Variants in PSEN1 observed in about 807,000 individuals in gnomAD.
PSEN1 encodes the protein presenilin 1.
In PSEN1, 15 loss-of-function variants were observed where a neutral mutation model predicts 53.5. The observed-to-expected ratio is 0.28, with a 90% CI of 0.19 to 0.43. The LOEUF (loss-of-function observed/expected upper bound fraction) is 0.43, where lower values mean the gene tolerates loss of function less well. PSEN1 is among the 20% of genes least tolerant of loss of function. The pLI is 1.00. For missense variants in PSEN1, 387 were observed against 571.2 expected (o/e 0.68, Z 3.29); for synonymous variants, 208 against 209.8 (o/e 0.99, Z 0.08).
chr14:73,186,271 TG>T (rs558906462), intron 5 of PSEN1, among the ~76,000 whole-genome samples: 1 of 151,730 alleles, frequency 6.6e-6, no homozygotes, highest in Admixed American at 6.6e-5. Context: ...CCCAGCTACT[TG>T]GGGGGCTGAG....
intron 6 of PSEN1, among the ~76,000 whole-genome samples, chr14:73,189,327 C>G (rs887517269): frequency 2.0e-5 from 3 of 152,084 alleles, no homozygotes; most frequent in Non-Finnish European, 4.4e-5. Flanking sequence ...CAAAAGTCCC[C>G]TGTCTGGGTG....
intron 5 of PSEN1, among the ~76,000 whole-genome samples, chr14:73,175,934 C>A (rs1049239046): frequency 2.6e-5 from 4 of 152,202 alleles, no homozygotes; most frequent in African/African-American, 9.6e-5. Context: ...ATCTGTCGTA[C>A]CCCACCAGTG....
Position 73,217,201 on chromosome 14 carries a change from G to A in PSEN1, c.1205G>A (p.Gly402Glu), listed in dbSNP as rs1899953027. ...GGTAAAGCCTCAGCAACAGCCAGTGGAGACTGGAACACAACCATAGCCTGT... is the reference window on the plus strand; with the variant it reads ...GGTAAAGCCTCAGCAACAGCCAGTGAAGACTGGAACACAACCATAGCCTGT... Reference protein sequence around the residue: ...LVGKASATASGDWNTTIACFV... With the variant: ...LVGKASATASEDWNTTIACFV... The change falls in exon 11 of 12, where the codon GGA becomes GAA. Residue 402 changes from glycine to glutamate, a missense_variant. Physicochemically the swap from Gly to Glu is moderately conservative, Grantham distance 98 (BLOSUM62 -2). Transcript: ENST00000324501. The A allele has an allele frequency of 6.2e-7, 1 of 1,613,640 alleles. No individual in the cohort carries two copies. Among genetic ancestry groups the A allele is most frequent in the African/African-American group, 1.3e-5 (1 of 74,932 alleles).
intron 1 of PSEN1, among the ~76,000 whole-genome samples, chr14:73,145,847 C>T (rs1897054944): frequency 1.3e-5 from 2 of 152,086 alleles, no homozygotes; most frequent in Non-Finnish European, 2.9e-5. Flanking sequence ...TGGCTCACAC[C>T]TGTAATCCTA....
chr14:73,206,000 TG>T (rs1469584981), intron 8 of PSEN1, among the ~76,000 whole-genome samples: 1 of 152,244 alleles, frequency 6.6e-6, no homozygotes, highest in Non-Finnish European at 1.5e-5. Context: ...GTGCATCTTT[TG>T]AATTATAATC....
rs200521615 is a variant in PSEN1, at chr14:73,219,480, G to A, written c.*191G>A. The A allele has an allele frequency of 6.2e-6, 4 of 644,080 alleles. No homozygotes were observed. Among genetic ancestry groups the A allele is most frequent in the East Asian group, 2.8e-5 (1 of 36,234 alleles). The allele number at this position is 644,080 out of a possible 1,614,324, so 39.9% of individuals were successfully genotyped here. On this transcript the variant is annotated 3_prime_UTR_variant, in exon 12 of 12. Transcript: ENST00000324501. ...TTGGAAGGAGGTGCCTATAGAAAACGATTTTGAACATACTTCATCGCAGTG... is the reference window on the plus strand; with the variant it reads ...TTGGAAGGAGGTGCCTATAGAAAACAATTTTGAACATACTTCATCGCAGTG...
intron 1 of PSEN1, among the ~76,000 whole-genome samples, chr14:73,142,775 A>G (rs1896963262): frequency 6.6e-6 from 1 of 152,220 alleles, no homozygotes; most frequent in African/African-American, 2.4e-5. Flanking sequence ...GGGGCTTTTA[A>G]AATCTCTTTG....
chr14:73,186,815 G>A (rs760141976), intron 5 of PSEN1, 38 bp from the exon 6 acceptor site: 1 of 1,509,522 alleles, frequency 6.6e-7, no homozygotes, highest in African/African-American at 1.4e-5. Flanking sequence ...TAAGGGTTGT[G>A]GGACCTGTTA....
chr14:73,209,946 A>C (rs1315228665), intron 9 of PSEN1, among the ~76,000 whole-genome samples: 1 of 152,210 alleles, frequency 6.6e-6, no homozygotes, highest in Non-Finnish European at 1.5e-5. Context: ...CCCCTCACCC[A>C]CTAAATGCCA....
At chr14:73,146,216 TCTCA>T (rs1897067847) in intron 1 of PSEN1, 1 of 143,136 alleles carries the variant, frequency 7.0e-6, no homozygotes, top group South Asian at 2.2e-4. Flanking sequence ...AAAAACAGAG[TCTCA>T]CTCTGTTGCC....
At chr14:73,171,649 A>G (rs1897893756) in intron 4 of PSEN1, among the ~76,000 whole-genome samples, 1 of 152,204 alleles carries the variant, frequency 6.6e-6, no homozygotes, top group Non-Finnish European at 1.5e-5. Flanking sequence ...AGGCTAAACT[A>G]ATTCCAATTG....
chr14:73,184,903 A>C (rs1326659989), intron 5 of PSEN1, among the ~76,000 whole-genome samples: 9 of 140,172 alleles, frequency 6.4e-5, no homozygotes, highest in African/African-American at 2.5e-4. Flanking sequence ...GCGGCCGGGC[A>C]GAGATGCTCC....
At chr14:73,161,992 T>TAAA (rs1179787685) in intron 3 of PSEN1, among the ~76,000 whole-genome samples, 3 of 65,372 alleles carry the variant, frequency 4.6e-5, no homozygotes, top group Non-Finnish European at 8.9e-5. Flanking sequence ...CCGTTTCCAC[T>TAAA]AAAAAAAAAA....
chr14:73,138,546 C>CTT (rs1566612214), intron 1 of PSEN1, among the ~76,000 whole-genome samples: 5 of 150,348 alleles, frequency 3.3e-5, no homozygotes, highest in Non-Finnish European at 7.4e-5. Flanking sequence ...GAGATGGGAG[C>CTT]CTCACTATGT....
chr14:73,170,657 A>C, intron 3 of PSEN1, 140 bp from the exon 4 acceptor site: 1 of 884,744 alleles, frequency 1.1e-6, no homozygotes, highest in South Asian at 1.5e-5. Context: ...TTTAAACTGC[A>C]TACTTCCTGT....
Position 73,223,368 on chromosome 14 carries a change from G to C in PSEN1, c.*4079G>C, listed in dbSNP as rs891167189. 4 of 152,246 alleles carry C rather than the reference G, an allele frequency of 2.6e-5. No homozygotes were observed. The highest frequency in any genetic ancestry group is 9.6e-5 in the African/African-American group (4 of 41,460). The allele number at this position is 152,246 out of a possible 1,614,324, so 9.4% of individuals were successfully genotyped here. ...GTCTGTGTGTCTGTGTAGCAGGGAC[G>C]ATTTCCCAGAAAGCAATTTTCCTTT... On this transcript the variant is annotated 3_prime_UTR_variant, in exon 12 of 12. Coordinates refer to ENST00000324501, the MANE Select transcript of PSEN1 (RefSeq NM_000021.4).
chr14:73,182,281 A>G (rs1380584939), intron 5 of PSEN1, among the ~76,000 whole-genome samples: 1 of 151,936 alleles, frequency 6.6e-6, no homozygotes, highest in African/African-American at 2.4e-5. Flanking sequence ...GGAGTTCAAA[A>G]CCAGCTTGGG....
intron 8 of PSEN1, among the ~76,000 whole-genome samples, chr14:73,201,116 T>C (rs1378552249): frequency 2.6e-5 from 4 of 151,902 alleles, no homozygotes; most frequent in South Asian, 2.1e-4. Flanking sequence ...TGTGGCAGAG[T>C]CTTGCTGTGT....
rs1389068611 is a variant in PSEN1 at position 73,181,067 on chromosome 14, C to CA, written c.481-5784dup. Reference sequence around the variant, plus strand: ...TAAAATTGGGGAAAGAAAGGGAAAACAATACAGATTCCATGCATAAGGCAA... The same window carrying CA: ...TAAAATTGGGGAAAGAAAGGGAAAACAAATACAGATTCCATGCATAAGGCAA... On this transcript the variant is annotated intron_variant, in intron 5 of 11. Transcript: ENST00000324501. 4.6e-5 allele frequency among the ~76,000 whole-genome samples: 7 copies of CA among 152,150 alleles called. No homozygotes were observed. In the East Asian group the frequency reaches 1.3e-3, roughly 29 times the overall value.
Sources: gnomAD v4.1 joint callset for allele counts (sites outside exome capture counted in the v4.1 genomes callset) on GRCh38, gnomAD v4.1.1 for gene constraint, MANE v1.5 for transcripts, NCBI Gene and HGNC (gene_info 2026-07-23, HGNC 2026-07-21) for gene names.